Variants in PTPRT observed in about 807,000 individuals in gnomAD.
PTPRT encodes protein tyrosine phosphatase receptor type T.
Under a neutral mutation model 176.8 loss-of-function variants are expected in PTPRT, and 56 were observed. That is an observed-to-expected ratio of 0.32 (90% CI 0.26 to 0.40). PTPRT has a LOEUF of 0.40. Ranked by LOEUF, PTPRT falls within the 10% of genes least tolerant of loss-of-function variation. PTPRT has a pLI of 1.00. For missense variants in PTPRT, 1,540 were observed against 1,908.2 expected (o/e 0.81, Z 3.60); for synonymous variants, 783 against 739.0 (o/e 1.06, Z -0.96).
intron 1 of PTPRT, 52 bp from the exon 2 acceptor site, chr20:42,885,984 T>C: frequency 6.7e-7 from 1 of 1,496,236 alleles, no homozygotes; most frequent in Non-Finnish European, 9.0e-7. Flanking sequence ...GAGGCTTGGT[T>C]CGTTACCTCT....
At chr20:42,388,390 A>C (rs2058765473) in intron 9 of PTPRT, among the ~76,000 whole-genome samples, 1 of 152,218 alleles carries the variant, frequency 6.6e-6, no homozygotes. Context: ...ACAAAGCGCT[A>C]ATATCCAGAA....
chr20:42,357,822 G>A (rs1304099814), intron 9 of PTPRT, among the ~76,000 whole-genome samples: 1 of 152,072 alleles, frequency 6.6e-6, no homozygotes, highest in Non-Finnish European at 1.5e-5. Context: ...GCTGAGGCAG[G>A]AGGATCACTT....
chr20:42,795,811 C>A (rs1341430623), intron 2 of PTPRT, among the ~76,000 whole-genome samples: 1 of 152,180 alleles, frequency 6.6e-6, no homozygotes. Context: ...GGCCTCAATG[C>A]CCTCATCTAT....
At chr20:42,039,037 C>T in the PTPRT span, among the ~76,000 whole-genome samples, 10 of 152,038 alleles carry the variant, frequency 6.6e-5, no homozygotes, top group African/African-American at 1.2e-4. Flanking sequence ...GTTGCAGGAG[C>T]GGGGTTGTGG....
At chr20:43,069,663 G>A (rs376921540) in intron 1 of PTPRT, among the ~76,000 whole-genome samples, 1 of 152,128 alleles carries the variant, frequency 6.6e-6, no homozygotes, top group African/African-American at 2.4e-5. Flanking sequence ...AAGCGGTGAG[G>A]TATCTTTTAG....
intron 1 of PTPRT, among the ~76,000 whole-genome samples, chr20:43,176,268 A>G (rs1281545387): frequency 6.6e-6 from 1 of 150,688 alleles, no homozygotes; most frequent in East Asian, 2.0e-4. Context: ...ACTGCACTCC[A>G]GCCTGGCAAC....
chr20:42,137,984 C>T (rs945304676), intron 18 of PTPRT, among the ~76,000 whole-genome samples: 1 of 152,244 alleles, frequency 6.6e-6, no homozygotes, highest in Non-Finnish European at 1.5e-5. Context: ...TCATCTGGCC[C>T]TCTAATCCAG....
chr20:42,885,768 C>T, intron 2 of PTPRT, 39 bp downstream of exon 2: 5 of 1,581,562 alleles, frequency 3.2e-6, no homozygotes, highest in Non-Finnish European at 4.3e-6. Context: ...TAAAAACTAG[C>T]CATCCCCATT....
At position 42,315,834 on chromosome 20, in the gene PTPRT, G is replaced by A. The variant is rs1454710197; in HGVS notation, c.2028C>T (p.Thr676=). Residue 676 remains threonine, a synonymous_variant, in exon 12 of 31, where the codon ACC becomes ACT. Transcript: ENST00000373187. ...AELKPANLPV[T]QPFTVGDNKT... is the part of the protein sequence containing the mutation. ...TATTGTCACCCACTGTAAATGGCTG[G>A]GTGACAGGCAGGTTGGCAGGCTTCA... 6.2e-7 allele frequency: 1 copy of A among 1,614,178 alleles called. No individual in the cohort carries two copies. The highest frequency in any genetic ancestry group is 1.7e-5 in the Admixed American group (1 of 60,018).
At chr20:42,261,705 C>T (rs181018448) in intron 13 of PTPRT, among the ~76,000 whole-genome samples, 1 of 152,296 alleles carries the variant, frequency 6.6e-6, no homozygotes, top group Admixed American at 6.5e-5. Context: ...TTTGTCTGAA[C>T]TGCATAGCAG....
At chr20:42,369,693 C>G (rs6124450) in intron 9 of PTPRT, among the ~76,000 whole-genome samples, 20,924 of 152,034 alleles carry the variant, frequency 0.14, 1,625 homozygotes, top group African/African-American at 0.21. Flanking sequence ...GAAAAGCCAG[C>G]GTGCAGAAAG....
At chr20:42,516,057 G>A (rs2072060079) in intron 7 of PTPRT, among the ~76,000 whole-genome samples, 1 of 137,626 alleles carries the variant, frequency 7.3e-6, no homozygotes, top group African/African-American at 2.7e-5. Context: ...TGAACAATGA[G>A]ATCACATGGA....
intron 15 of PTPRT, among the ~76,000 whole-genome samples, chr20:42,219,401 T>C (rs1253706690): frequency 6.6e-6 from 1 of 152,162 alleles, no homozygotes; most frequent in Non-Finnish European, 1.5e-5. Flanking sequence ...TCTCAACACA[T>C]AGAGCAACTC....
At chr20:42,457,379 C>T (rs1024277700) in intron 8 of PTPRT, among the ~76,000 whole-genome samples, 7 of 152,036 alleles carry the variant, frequency 4.6e-5, no homozygotes, top group Non-Finnish European at 7.4e-5. Flanking sequence ...ACTGAGCATG[C>T]GTATTAGTTT....
intron 3 of PTPRT, among the ~76,000 whole-genome samples, chr20:42,787,028 C>A (rs8118549): frequency 5.6e-4 from 85 of 152,334 alleles, no homozygotes; most frequent in African/African-American, 2.0e-3. Flanking sequence ...TGGGTCCATT[C>A]ATTTACATAT....
intron 6 of PTPRT, among the ~76,000 whole-genome samples, chr20:42,693,453 A>C (rs571437944): frequency 6.6e-6 from 1 of 152,344 alleles, no homozygotes; most frequent in Middle Eastern, 3.4e-3. Flanking sequence ...TAGGAAATTA[A>C]GATTTATTAT....
At chr20:42,086,894 T>C (rs1984020475) in intron 27 of PTPRT, among the ~76,000 whole-genome samples, 1 of 150,512 alleles carries the variant, frequency 6.6e-6, no homozygotes, top group African/African-American at 2.5e-5. Context: ...CAAAAGTTAA[T>C]GTCACATGGT....
chr20:42,421,843 A>T (rs2145772854), intron 9 of PTPRT, among the ~76,000 whole-genome samples: 2 of 152,324 alleles, frequency 1.3e-5, no homozygotes, highest in East Asian at 3.9e-4. Flanking sequence ...TGGTACTGGT[A>T]CAAAAACAGA....
At chr20:42,567,645 T>G (rs2073067409) in intron 7 of PTPRT, among the ~76,000 whole-genome samples, 1 of 152,214 alleles carries the variant, frequency 6.6e-6, no homozygotes, top group South Asian at 2.1e-4. Flanking sequence ...ATTTGTCCAA[T>G]GAGTTAATGC....
Sources: gnomAD v4.1 joint callset for allele counts (sites outside exome capture counted in the v4.1 genomes callset) on GRCh38, gnomAD v4.1.1 for gene constraint, MANE v1.5 for transcripts, NCBI Gene and HGNC (gene_info 2026-07-23, HGNC 2026-07-21) for gene names.